MGLL: variants seen among roughly 807,000 people sequenced by gnomAD.
MGLL encodes monoglyceride lipase.
MGLL carries 7 observed loss-of-function variants against 29.1 expected under a neutral mutation model. The observed-to-expected ratio is 0.24, with a 90% CI of 0.14 to 0.45. MGLL has a LOEUF of 0.45. MGLL is among the 20% of genes least tolerant of loss of function. The probability of loss-of-function intolerance (pLI) is 0.99; values close to 1 mark genes in which losing one functional copy is unlikely to be tolerated. For missense variants in MGLL, 356 were observed against 413.6 expected (o/e 0.86, Z 1.21); for synonymous variants, 148 against 168.3 (o/e 0.88, Z 0.93).
intron 3 of MGLL, among the ~76,000 whole-genome samples, chr3:127,750,563 G>A (rs1415574442): frequency 1.3e-5 from 2 of 152,086 alleles, no homozygotes; most frequent in African/African-American, 4.8e-5. Flanking sequence ...GGGACTCACA[G>A]GGAACAGATG....
intron 2 of MGLL, among the ~76,000 whole-genome samples, chr3:127,801,745 G>A (rs1463945737): frequency 6.7e-6 from 1 of 149,042 alleles, no homozygotes; most frequent in Non-Finnish European, 1.5e-5. Flanking sequence ...AAATATATAT[G>A]TATATGTTAT....
intron 2 of MGLL, among the ~76,000 whole-genome samples, chr3:127,805,815 A>G (rs2077555323): frequency 6.6e-6 from 1 of 152,268 alleles, no homozygotes; most frequent in African/African-American, 2.4e-5. Flanking sequence ...TGTGAGAGTC[A>G]GGGAGGTAAA....
intron 5 of MGLL, chr3:127,715,344 T>C (rs897822371): frequency 3.5e-6 from 1 of 288,064 alleles, no homozygotes; most frequent in African/African-American, 2.2e-5. Context: ...TCAGCTCTTT[T>C]TCTAAACCTG....
rs181316514 is a variant in MGLL, at chr3:127,793,463, C to T, written c.156-11568G>A. ...GCTAAGGGCTCTCTATTCACAATCT[C>T]CTTCCCCATAATTAGAGAAGCTCTA... On this transcript the variant is annotated intron_variant, in intron 2 of 7. Transcript: ENST00000265052. 1.3e-3 allele frequency among the ~76,000 whole-genome samples: 191 copies of T among 152,318 alleles called. 1 individual carries two copies. The highest frequency in any genetic ancestry group is 1.9e-3 in the Non-Finnish European group (130 of 68,028).
chr3:127,732,611 G>C (rs1265957520), intron 3 of MGLL, among the ~76,000 whole-genome samples: 1 of 152,250 alleles, frequency 6.6e-6, no homozygotes, highest in East Asian at 1.9e-4. Context: ...GCTCACCCCA[G>C]GTGAGTCCTG....
intron 3 of MGLL, among the ~76,000 whole-genome samples, 184 bp from the exon 4 acceptor site, chr3:127,722,750 T>G (rs478702): frequency 0.054 from 8,275 of 152,254 alleles, 643 homozygotes; most frequent in East Asian, 0.33. Context: ...ATTAGGAAAC[T>G]GAGGCACAGA....
At chr3:127,770,199 T>G (rs2076926281) in intron 3 of MGLL, among the ~76,000 whole-genome samples, 1 of 151,986 alleles carries the variant, frequency 6.6e-6, no homozygotes, top group African/African-American at 2.4e-5. Context: ...TTTGTATTAT[T>G]TTTGTAGAGA....
intron 3 of MGLL, among the ~76,000 whole-genome samples, chr3:127,742,463 A>G (rs2076359675): frequency 6.6e-6 from 1 of 151,874 alleles, no homozygotes; most frequent in Non-Finnish European, 1.5e-5. Flanking sequence ...GGTGGTGGGC[A>G]CCTGTAGTCC....
chr3:127,726,306 GGGAGAGAAAGAAAGAGAA>G lies in MGLL; in HGVS notation c.263-3758_263-3741del, dbSNP rs796091133. ...AGGAAGGAAGGAAGGGAGGGAGGGA[GGGAGAGAAAGAAAGAGAA>G]AGAAAGAAAGAGGAAAGAAAGAAAG... On this transcript the variant is annotated intron_variant, in intron 3 of 7. Transcript: ENST00000265052. 4.1e-3 allele frequency among the ~76,000 whole-genome samples: 571 copies of G among 139,520 alleles called. 10 individuals are homozygous for G. The highest frequency in any genetic ancestry group is 0.015 in the African/African-American group (556 of 37,314). 91.5% of individuals were successfully genotyped at this position (139,520 alleles called of 152,430 possible). A position where few individuals can be genotyped will look rare whatever the true frequency, so the allele number is the denominator to read the frequency against.
Position 127,822,420 on chromosome 3 carries a change from G to T in MGLL, c.-102C>A. 2 of 1,285,162 alleles carry T rather than the reference G, an allele frequency of 1.6e-6. No homozygotes were observed. Among genetic ancestry groups the T allele is most frequent in the South Asian group, 1.2e-5 (1 of 82,772 alleles). 79.6% of individuals were successfully genotyped at this position (1,285,162 alleles called of 1,614,324 possible). A position where few individuals can be genotyped will look rare whatever the true frequency, so the allele number is the denominator to read the frequency against. On this transcript the variant is annotated 5_prime_UTR_variant, in exon 1 of 8. Transcript: ENST00000265052. ...CTGGGCGGCCCCAAGGCAGCAGGAA[G>T]GCAGCTCCGAGCCCTCTTCCCGCAC...
intron 2 of MGLL, chr3:127,783,770 A>G (rs1364949920): frequency 6.6e-6 from 1 of 152,230 alleles, no homozygotes; most frequent in Non-Finnish European, 1.5e-5. Context: ...ACTTGTGTAA[A>G]TGACACCTGC....
intron 2 of MGLL, among the ~76,000 whole-genome samples, chr3:127,819,399 C>T (rs2077817680): frequency 6.6e-6 from 1 of 152,182 alleles, no homozygotes; most frequent in Non-Finnish European, 1.5e-5. Context: ...CCCGGGGTGG[C>T]TTCTGAGGTC....
At position 127,791,857 on chromosome 3, in the gene MGLL, G is replaced by A. The variant is rs186080824; in HGVS notation, c.156-9962C>T. 7.0e-3 allele frequency among the ~76,000 whole-genome samples: 1,069 copies of A among 152,200 alleles called. 4 individuals carry two copies. Among genetic ancestry groups the A allele is most frequent in the Non-Finnish European group, 0.01 (712 of 67,994 alleles). ...AGGCCGAGGTAGGGGGATCACCTGA[G>A]GTCAGGAGTTCGAGACCAACCTGAC... On this transcript the variant is annotated intron_variant, in intron 2 of 7. Coordinates refer to ENST00000265052, the MANE Select transcript of MGLL (RefSeq NM_007283.7).
intron 3 of MGLL, among the ~76,000 whole-genome samples, chr3:127,746,017 A>G (rs1243824599): frequency 1.3e-5 from 2 of 152,238 alleles, no homozygotes; most frequent in Non-Finnish European, 2.9e-5. Context: ...GAGTTTGAAT[A>G]GAATGAGTGA....
At chr3:127,734,398 T>A (rs535944515) in intron 3 of MGLL, among the ~76,000 whole-genome samples, 1 of 152,218 alleles carries the variant, frequency 6.6e-6, no homozygotes, top group Admixed American at 6.5e-5. Flanking sequence ...GCCCACTGCC[T>A]CTCCCATCAG....
intron 3 of MGLL, among the ~76,000 whole-genome samples, chr3:127,753,180 G>A (rs1005263743): frequency 6.6e-6 from 1 of 152,184 alleles, no homozygotes; most frequent in Non-Finnish European, 1.5e-5. Flanking sequence ...ACACAGGGAA[G>A]AGCTGCAGAG....
intron 7 of MGLL, 26 bp from the exon 8 acceptor site, chr3:127,692,349 A>T: frequency 6.2e-7 from 1 of 1,613,824 alleles, no homozygotes; most frequent in Non-Finnish European, 8.5e-7. Flanking sequence ...ACACGGAATC[A>T]GAGCTGCACC....
At chr3:127,778,970 G>A (rs1163849139) in intron 3 of MGLL, among the ~76,000 whole-genome samples, 3 of 152,070 alleles carry the variant, frequency 2.0e-5, no homozygotes, top group Non-Finnish European at 4.4e-5. Flanking sequence ...GCCTGGGCTG[G>A]TCTCAAACTC....
chr3:127,698,231 G>C (rs1294774445), intron 6 of MGLL, among the ~76,000 whole-genome samples: 1 of 152,170 alleles, frequency 6.6e-6, no homozygotes, highest in Non-Finnish European at 1.5e-5. Context: ...AGGGAAACTG[G>C]GACCAGGAGG....
Sources: gnomAD v4.1 joint callset for allele counts (sites outside exome capture counted in the v4.1 genomes callset) on GRCh38, gnomAD v4.1.1 for gene constraint, MANE v1.5 for transcripts, NCBI Gene and HGNC (gene_info 2026-07-23, HGNC 2026-07-21) for gene names.